AFG1L: variants seen among roughly 807,000 people sequenced by gnomAD.
AFG1L encodes AFG1-like ATPase.
Under a neutral mutation model 62.2 loss-of-function variants are expected in AFG1L, and 53 were observed. The observed-to-expected ratio is 0.85, with a 90% CI of 0.68 to 1.07. AFG1L has a LOEUF of 1.07. AFG1L is among the 50% of genes least tolerant of loss of function. AFG1L has a pLI of 0.00. For missense variants in AFG1L, 555 were observed against 590.5 expected (o/e 0.94, Z 0.62); for synonymous variants, 228 against 210.3 (o/e 1.08, Z -0.73).
At position 108,323,826 on chromosome 6, in the gene AFG1L, C is replaced by G. The variant is rs1437025449; in HGVS notation, c.141C>G (p.Ala47=). ...ATAPGKPFWK[A]YTVQTSESMT... is the part of the protein sequence containing the mutation. ...AAAATTTTATGTTTTTGTTTATAGCCTATACGGTTCAGACATCCGAGAGCA... is the reference window on the plus strand; with the variant it reads ...AAAATTTTATGTTTTTGTTTATAGCGTATACGGTTCAGACATCCGAGAGCA... Residue 47 remains alanine (A), a splice_region_variant and synonymous_variant, in exon 2 of 13, where the codon GCC becomes GCG. Transcript: ENST00000368977. 1 of 1,610,778 alleles carries G rather than the reference C, an allele frequency of 6.2e-7. No homozygotes were observed. Among genetic ancestry groups the G allele is most frequent in the African/African-American group, 1.3e-5 (1 of 74,912 alleles).
chr6:108,468,893 T>C (rs1397095636), intron 8 of AFG1L, among the ~76,000 whole-genome samples: 2 of 152,152 alleles, frequency 1.3e-5, no homozygotes. Flanking sequence ...TCTTTTGGTT[T>C]GCAGCATTCT....
chr6:108,299,293 A>T (rs1776891375), intron 1 of AFG1L, among the ~76,000 whole-genome samples: 1 of 151,894 alleles, frequency 6.6e-6, no homozygotes, highest in Admixed American at 6.6e-5. Flanking sequence ...AAATTAACAT[A>T]CTTGGACATA....
chr6:108,395,008 A>T (rs1309057728), intron 6 of AFG1L, among the ~76,000 whole-genome samples: 1 of 152,180 alleles, frequency 6.6e-6, no homozygotes, highest in Non-Finnish European at 1.5e-5. Flanking sequence ...GGTGTTTATT[A>T]TAGGGAAGAA....
chr6:108,297,394 A>G (rs931293728), intron 1 of AFG1L, among the ~76,000 whole-genome samples: 4 of 152,170 alleles, frequency 2.6e-5, no homozygotes, highest in African/African-American at 9.7e-5. Context: ...GGCGTGAGCC[A>G]TGGTGCCCTG....
intron 2 of AFG1L, among the ~76,000 whole-genome samples, chr6:108,330,929 G>A (rs1175208246): frequency 6.6e-6 from 1 of 152,122 alleles, no homozygotes; most frequent in Non-Finnish European, 1.5e-5. Context: ...AATGAACTAA[G>A]ACATGTGCTA....
At chr6:108,372,223 T>A (rs532071407) in intron 6 of AFG1L, among the ~76,000 whole-genome samples, 2 of 152,040 alleles carry the variant, frequency 1.3e-5, no homozygotes, top group East Asian at 1.9e-4. Flanking sequence ...CTTTATTTTT[T>A]AAATTTATTT....
chr6:108,430,503 G>A (rs917948179), intron 7 of AFG1L, among the ~76,000 whole-genome samples: 15 of 152,164 alleles, frequency 9.9e-5, no homozygotes, highest in Admixed American at 9.2e-4. Context: ...AGAGCACATA[G>A]TCTGCAAACC....
chr6:108,491,325 A>G (rs1473339607), intron 10 of AFG1L, among the ~76,000 whole-genome samples: 1 of 152,240 alleles, frequency 6.6e-6, no homozygotes, highest in Admixed American at 6.5e-5. Context: ...CCAGTTACTC[A>G]GAAGTGATGA....
At chr6:108,353,835 C>T (rs1209927127) in intron 3 of AFG1L, among the ~76,000 whole-genome samples, 1 of 152,164 alleles carries the variant, frequency 6.6e-6, no homozygotes, top group East Asian at 1.9e-4. Flanking sequence ...GAATGACTTT[C>T]CATCAAAGTG....
chr6:108,463,735 A>G (rs1256104547), intron 8 of AFG1L, among the ~76,000 whole-genome samples: 2 of 152,202 alleles, frequency 1.3e-5, no homozygotes, highest in South Asian at 4.1e-4. Context: ...GGATCTCTGA[A>G]CAGTCAGTTA....
chr6:108,315,292 C>A (rs1376219710), intron 1 of AFG1L, among the ~76,000 whole-genome samples: 3 of 152,252 alleles, frequency 2.0e-5, no homozygotes, highest in South Asian at 4.1e-4. Flanking sequence ...ATTTCCATTT[C>A]TACTTTGCCT....
At chr6:108,457,345 CTTTT>C (rs1443512381) in intron 8 of AFG1L, among the ~76,000 whole-genome samples, 1 of 150,982 alleles carries the variant, frequency 6.6e-6, no homozygotes, top group Non-Finnish European at 1.5e-5. Flanking sequence ...TGATTTTTTT[CTTTT>C]AATAGTCACT....
chr6:108,393,916 A>T (rs78581422), intron 6 of AFG1L, among the ~76,000 whole-genome samples: 1,609 of 152,186 alleles, frequency 0.011, 30 homozygotes, highest in African/African-American at 0.037. Flanking sequence ...ACATATGTAT[A>T]CCTTCATGAG....
chr6:108,311,136 G>C (rs1777389649), intron 1 of AFG1L, among the ~76,000 whole-genome samples: 1 of 152,090 alleles, frequency 6.6e-6, no homozygotes, highest in South Asian at 2.1e-4. Flanking sequence ...TGCCTCACCG[G>C]GCTCCCTTGT....
intron 3 of AFG1L, among the ~76,000 whole-genome samples, chr6:108,354,030 A>T (rs1779176103): frequency 6.6e-6 from 1 of 152,112 alleles, no homozygotes; most frequent in African/African-American, 2.4e-5. Flanking sequence ...ACTAGACAGG[A>T]AGTGATCTTG....
chr6:108,361,428 C>G (rs1779524131), intron 5 of AFG1L, among the ~76,000 whole-genome samples: 1 of 152,112 alleles, frequency 6.6e-6, no homozygotes. Context: ...TCACAGGAAG[C>G]AGTAATGAAG....
At chr6:108,369,532 A>G (rs942424285) in intron 6 of AFG1L, among the ~76,000 whole-genome samples, 1 of 152,184 alleles carries the variant, frequency 6.6e-6, no homozygotes, top group African/African-American at 2.4e-5. Flanking sequence ...GTATTAAAAA[A>G]AGGTGGGAGG....
chr6:108,421,402 A>G (rs1770582052), intron 7 of AFG1L, among the ~76,000 whole-genome samples: 1 of 152,148 alleles, frequency 6.6e-6, no homozygotes, highest in South Asian at 2.1e-4. Flanking sequence ...CAGATACCAA[A>G]TAACACTGGC....
At chr6:108,346,869 A>T in intron 2 of AFG1L, 119 bp from the exon 3 acceptor site, 1 of 717,236 alleles carries the variant, frequency 1.4e-6, no homozygotes, top group Non-Finnish European at 2.4e-6. Flanking sequence ...TTTTTTTCTT[A>T]CTTATTGTAT....
Sources: gnomAD v4.1 joint callset for allele counts (sites outside exome capture counted in the v4.1 genomes callset) on GRCh38, gnomAD v4.1.1 for gene constraint, MANE v1.5 for transcripts, NCBI Gene and HGNC (gene_info 2026-07-23, HGNC 2026-07-21) for gene names.